The following CDH13 variants were observed in gnomAD, a reference collection of about 807,000 sequenced individuals.
CDH13 encodes cadherin-13.
A neutral mutation model predicts 63.8 loss-of-function variants in CDH13; 24 were observed. The observed-to-expected ratio is 0.38, with a 90% CI of 0.27 to 0.53. The LOEUF is 0.53. Ranked by LOEUF, CDH13 falls within the 20% of genes least tolerant of loss-of-function variation. The pLI is 0.85. For synonymous variants in CDH13, 503 were observed against 355.3 expected, an observed-to-expected ratio of 1.42 and a Z score of -4.67; for missense variants, 1,049 against 903.1, an observed-to-expected ratio of 1.16 and a Z score of -2.07.
At chr16:83,706,814 T>C (rs1907137793) in intron 10 of CDH13, among the ~76,000 whole-genome samples, 1 of 152,212 alleles carries the variant, frequency 6.6e-6, no homozygotes, top group Non-Finnish European at 1.5e-5. Flanking sequence ...ATGATATTTT[T>C]AGGCTCTCAC....
In CDH13 at chr16:83,610,237, T is replaced by TA. The variant is rs879659534; in HGVS notation, c.1101+7654dup. 1.1e-3 allele frequency among the ~76,000 whole-genome samples: 155 copies of TA among 144,586 alleles called. 2 individuals are homozygous for TA. The East Asian group carries it at 0.014, about 13-fold the overall frequency. 94.9% of individuals were successfully genotyped at this position (144,586 alleles called of 152,430 possible). On this transcript the variant is annotated intron_variant, in intron 8 of 13. Transcript: ENST00000567109. ...TCTCTCACATCCTAAACAGCTAGAATAAAAAAAAAAAGTACCCATAATATC... is the reference window on the plus strand; with the variant it reads ...TCTCTCACATCCTAAACAGCTAGAATAAAAAAAAAAAAGTACCCATAATATC...
chr16:82,772,402 G>C (rs991856895), intron 1 of CDH13, among the ~76,000 whole-genome samples: 1 of 152,136 alleles, frequency 6.6e-6, no homozygotes, highest in African/African-American at 2.4e-5. Flanking sequence ...ATGTATACCA[G>C]CTGCAATATG....
chr16:83,378,176 T>C (rs928427023), intron 6 of CDH13, among the ~76,000 whole-genome samples: 2 of 152,184 alleles, frequency 1.3e-5, no homozygotes, highest in East Asian at 3.9e-4. Context: ...GTAGATGCTG[T>C]GCAAGTGCTT....
intron 2 of CDH13, among the ~76,000 whole-genome samples, chr16:82,865,650 T>A (rs954471042): frequency 1.3e-5 from 2 of 152,186 alleles, no homozygotes; most frequent in African/African-American, 4.8e-5. Context: ...TCAGGGCCTG[T>A]GATGGGAAGG....
At chr16:82,896,234 G>T (rs2041251755) in intron 2 of CDH13, among the ~76,000 whole-genome samples, 1 of 143,082 alleles carries the variant, frequency 7.0e-6, no homozygotes, top group African/African-American at 2.6e-5. Flanking sequence ...CAGGCATATT[G>T]CAGATTGAGA....
rs74030819 is a variant in CDH13 at position 82,751,043 on chromosome 16, T to C, written c.46-107319T>C. Among the ~76,000 whole-genome samples, 679 of 152,318 alleles carry C rather than the reference T, an allele frequency of 4.5e-3. 4 individuals carry two copies. The highest frequency in any genetic ancestry group is 0.016 in the African/African-American group (655 of 41,552). On this transcript the variant is annotated intron_variant, in intron 1 of 13. Coordinates refer to ENST00000567109, the MANE Select transcript of CDH13 (RefSeq NM_001257.5). ...CAACTTAACTGGGCTTCTACCATCCTCCTCCTTCCTGATCTTTCTTTTCTC... is the reference window on the plus strand; with the variant it reads ...CAACTTAACTGGGCTTCTACCATCCCCCTCCTTCCTGATCTTTCTTTTCTC...
chr16:83,435,176 A>T (rs1338205746), intron 6 of CDH13, among the ~76,000 whole-genome samples: 1 of 151,654 alleles, frequency 6.6e-6, no homozygotes, highest in Non-Finnish European at 1.5e-5. Context: ...CCACCTGAGT[A>T]GCTGGGATTG....
chr16:83,435,584 C>T (rs1306023101), intron 6 of CDH13, among the ~76,000 whole-genome samples: 3 of 152,190 alleles, frequency 2.0e-5, no homozygotes, highest in African/African-American at 4.8e-5. Flanking sequence ...GAACGTGCCA[C>T]GTGCTCTCTC....
At chr16:83,333,189 C>A (rs978819983) in intron 5 of CDH13, among the ~76,000 whole-genome samples, 1 of 152,072 alleles carries the variant, frequency 6.6e-6, no homozygotes, top group Non-Finnish European at 1.5e-5. Context: ...TCCGTAATGA[C>A]ATTTAACTTG....
intron 1 of CDH13, among the ~76,000 whole-genome samples, chr16:82,841,168 A>C (rs773927330): frequency 1.4e-4 from 22 of 152,176 alleles, no homozygotes; most frequent in Non-Finnish European, 2.5e-4. Context: ...CTCCAAGCTC[A>C]AAGCTGTCCC....
At position 83,524,803 on chromosome 16, in the gene CDH13, C is replaced by T. The variant is rs555085426; in HGVS notation, c.960+38148C>T. Among the ~76,000 whole-genome samples the T allele has an allele frequency of 8.0e-4, 122 of 152,208 alleles. 1 individual carries two copies. In the South Asian group the frequency reaches 9.0e-3, roughly 11 times the overall value. On this transcript the variant is annotated intron_variant, in intron 7 of 13. Coordinates refer to ENST00000567109, the MANE Select transcript of CDH13 (RefSeq NM_001257.5). ...TACTAGCTGAGAGGTCTTGGCAAAC[C>T]TGTAGCACTGAGAGTGTCAAGTTTA...
At chr16:83,776,278 T>G (rs1416330476) in intron 11 of CDH13, among the ~76,000 whole-genome samples, 1 of 152,104 alleles carries the variant, frequency 6.6e-6, no homozygotes, top group African/African-American at 2.4e-5. Flanking sequence ...ATATTCAGAG[T>G]GAAAAAACAT....
At chr16:83,308,143 A>T (rs2089920998) in intron 5 of CDH13, among the ~76,000 whole-genome samples, 2 of 152,168 alleles carry the variant, frequency 1.3e-5, no homozygotes, top group South Asian at 4.1e-4. Flanking sequence ...TTTATATTTC[A>T]TTACTATTCA....
At chr16:83,042,761 G>C (rs1247207697) in intron 3 of CDH13, among the ~76,000 whole-genome samples, 2 of 152,296 alleles carry the variant, frequency 1.3e-5, no homozygotes, top group East Asian at 3.9e-4. Context: ...GTCTCACATT[G>C]ACTGGGAGTG....
At chr16:83,112,856 C>T (rs1597359288) in intron 3 of CDH13, among the ~76,000 whole-genome samples, 1 of 152,102 alleles carries the variant, frequency 6.6e-6, no homozygotes, top group South Asian at 2.1e-4. Context: ...ACTTTATAGT[C>T]AGTATATTTG....
intron 7 of CDH13, among the ~76,000 whole-genome samples, chr16:83,586,716 A>C (rs1040165812): frequency 5.3e-5 from 8 of 152,192 alleles, no homozygotes; most frequent in Non-Finnish European, 7.3e-5. Context: ...TTGTGCAAAT[A>C]ATGCTGAAGA....
chr16:83,331,691 C>T (rs898739290), intron 5 of CDH13, among the ~76,000 whole-genome samples: 1 of 152,114 alleles, frequency 6.6e-6, no homozygotes, highest in Non-Finnish European at 1.5e-5. Flanking sequence ...AGTGGAATGC[C>T]TTTATTTTTT....
intron 4 of CDH13, among the ~76,000 whole-genome samples, chr16:83,151,919 G>A (rs988814778): frequency 4.0e-5 from 6 of 151,064 alleles, no homozygotes; most frequent in African/African-American, 9.8e-5. Flanking sequence ...CCAAGATCGC[G>A]CCATTGCGCT....
chr16:82,989,177 T>G (rs1238642441), intron 2 of CDH13, among the ~76,000 whole-genome samples: 2 of 152,174 alleles, frequency 1.3e-5, no homozygotes, highest in African/African-American at 4.8e-5. Flanking sequence ...AACTGATACC[T>G]GGAACATGGC....
Sources: allele counts gnomAD v4.1 joint callset (sites outside exome capture counted in the v4.1 genomes callset), GRCh38; gene constraint gnomAD v4.1.1; transcripts MANE v1.5; gene names NCBI Gene and HGNC (gene_info 2026-07-23, HGNC 2026-07-21).